MYO10: variants seen among roughly 807,000 people sequenced by gnomAD.
MYO10 encodes unconventional myosin-X.
MYO10 carries 133 observed loss-of-function variants against 257.3 expected under a neutral mutation model. The observed-to-expected ratio is 0.52, with a 90% confidence interval of 0.45 to 0.60. The LOEUF (loss-of-function observed/expected upper bound fraction) is 0.60, where lower values mean the gene tolerates loss of function less well. Among genes scored for constraint, MYO10 ranks in the 20% least tolerant of loss-of-function variants. The pLI, the probability that MYO10 is intolerant of heterozygous loss-of-function variation, is 0.00. For missense variants in MYO10, 2,399 were observed against 2,635.7 expected, an observed-to-expected ratio of 0.91 and a Z score of 1.97; for synonymous variants, 1,104 against 1,028.6, an observed-to-expected ratio of 1.07 and a Z score of -1.40.
chr5:16,906,599 G>C (rs557763891), intron 1 of MYO10, among the ~76,000 whole-genome samples: 12 of 152,270 alleles, frequency 7.9e-5, no homozygotes, highest in African/African-American at 2.6e-4. Context: ...GATGTCAGAA[G>C]CCAGCATGGC....
intron 9 of MYO10, 134 bp from the exon 10 acceptor site, chr5:16,769,337 CACTT>C (rs1403290791): frequency 9.7e-6 from 10 of 1,028,522 alleles, no homozygotes; most frequent in South Asian, 1.9e-5. Context: ...CATAACCACT[CACTT>C]GTTTTTTTGT....
At chr5:16,668,164 T>C in intron 40 of MYO10, 113 bp downstream of exon 40, 1 of 1,218,734 alleles carries the variant, frequency 8.2e-7, no homozygotes, top group Non-Finnish European at 1.1e-6. Context: ...TTTCGTGTTT[T>C]GAAGAAAAAT....
chr5:16,772,296 C>T (rs1483267281), intron 9 of MYO10, among the ~76,000 whole-genome samples: 4 of 152,106 alleles, frequency 2.6e-5, no homozygotes, highest in Non-Finnish European at 4.4e-5. Flanking sequence ...CCACACCTGG[C>T]TAATTTTGTA....
At position 16,668,398 on chromosome 5, in the gene MYO10, C is replaced by T. The variant is rs369799275; in HGVS notation, c.5954G>A (p.Arg1985His). 29 of 1,613,956 alleles carry T rather than the reference C, an allele frequency of 1.8e-5. No homozygotes were observed. In the South Asian group the frequency reaches 2.0e-4, roughly 11 times the overall value. The change falls in exon 40 of 41, where the codon CGT becomes CAT. Residue 1985 changes from arginine to histidine, a missense_variant. This residue lies in a region of MYO10 where 1,820 missense variants were observed against 1,939.4 expected (regional missense o/e 0.94). Coordinates refer to ENST00000513610, the MANE Select transcript of MYO10 (RefSeq NM_012334.3). Reference sequence around the variant, plus strand: ...GACTTCCAGTGGTCTTCCCTCTCCACGCTTGTAGACGGAGACGGCGTCCGC... The same window carrying T: ...GACTTCCAGTGGTCTTCCCTCTCCATGCTTGTAGACGGAGACGGCGTCCGC... ...VSADAVSVYK[R>H]GEGRPLEVFQ...
chr5:16,694,311 A>G (rs1253288307), intron 27 of MYO10, 60 bp downstream of exon 27: 4 of 1,605,956 alleles, frequency 2.5e-6, no homozygotes, highest in East Asian at 2.2e-5. Flanking sequence ...GCATGGCTCT[A>G]TGACCACCAG....
At chr5:16,705,043 T>C (rs555522039) in intron 21 of MYO10, among the ~76,000 whole-genome samples, 56 of 152,282 alleles carry the variant, frequency 3.7e-4, no homozygotes, top group African/African-American at 1.1e-3. Flanking sequence ...TGGACCAGCA[T>C]TGGTCACTAC....
At chr5:16,795,897 G>A (rs527580143) in intron 3 of MYO10, among the ~76,000 whole-genome samples, 1 of 152,016 alleles carries the variant, frequency 6.6e-6, no homozygotes, top group Admixed American at 6.6e-5. Context: ...TTTCGAAAAT[G>A]CTAGGTATCA....
intron 10 of MYO10, among the ~76,000 whole-genome samples, chr5:16,767,150 T>C (rs1375777227): frequency 6.7e-6 from 1 of 149,768 alleles, no homozygotes; most frequent in Non-Finnish European, 1.5e-5. Flanking sequence ...GCAGAAGAGA[T>C]ATGACAACCC....
rs1737712979 is a variant in MYO10, at chr5:16,695,676, A to C, written c.3557-1062T>G. 2.1e-5 allele frequency among the ~76,000 whole-genome samples: 3 copies of C among 144,730 alleles called. No individual in the cohort carries two copies. In the South Asian group the frequency reaches 6.5e-4, roughly 31 times the overall value. 94.9% of individuals were successfully genotyped at this position (144,730 alleles called of 152,430 possible). On this transcript the variant is annotated intron_variant, in intron 26 of 40. Transcript: ENST00000513610. Reference sequence around the variant, plus strand: ...AGATTCCCCAACCTGCTCAAGATCAACATCTGACACACATCTGTTATTATA... The same window carrying C: ...AGATTCCCCAACCTGCTCAAGATCACCATCTGACACACATCTGTTATTATA...
chr5:16,760,489 C>G (rs1373198627), intron 17 of MYO10, among the ~76,000 whole-genome samples: 1 of 149,884 alleles, frequency 6.7e-6, no homozygotes, highest in Non-Finnish European at 1.5e-5. Context: ...CAAAAAAAAA[C>G]CAAAAAGGAC....
chr5:16,862,302 C>G (rs1242793500), intron 2 of MYO10, among the ~76,000 whole-genome samples: 3 of 152,212 alleles, frequency 2.0e-5, no homozygotes, highest in African/African-American at 7.2e-5. Flanking sequence ...TGCAGACCAG[C>G]TGGATGATCA....
At chr5:16,724,362 T>C (rs1044481263) in intron 19 of MYO10, among the ~76,000 whole-genome samples, 2 of 152,114 alleles carry the variant, frequency 1.3e-5, no homozygotes, top group African/African-American at 2.4e-5. Flanking sequence ...TTTCTTACTG[T>C]TGGAGCGAGA....
chr5:16,909,068 T>C (rs1481529615), intron 1 of MYO10, among the ~76,000 whole-genome samples: 1 of 152,130 alleles, frequency 6.6e-6, no homozygotes, highest in Non-Finnish European at 1.5e-5. Flanking sequence ...ACTGGGTAAT[T>C]TATAAAGAAA....
chr5:16,880,090 G>C (rs1183636497), intron 1 of MYO10, among the ~76,000 whole-genome samples: 1 of 152,196 alleles, frequency 6.6e-6, no homozygotes, highest in Non-Finnish European at 1.5e-5. Context: ...TGAGGCAGGA[G>C]AATTGCTTGA....
At chr5:16,869,837 C>A (rs1172953569) in intron 2 of MYO10, among the ~76,000 whole-genome samples, 1 of 147,988 alleles carries the variant, frequency 6.8e-6, no homozygotes, top group Non-Finnish European at 1.5e-5. Flanking sequence ...TGCACTCCAG[C>A]TGGGGCAAAA....
Position 16,784,385 on chromosome 5 carries a change from A to G in MYO10, c.468-916T>C, listed in dbSNP as rs553945014. On this transcript the variant is annotated intron_variant, in intron 4 of 40. Transcript: ENST00000513610. ...TGTAGGAAACGCAGCTCTGGAGGAAAAGCTCTAGAAGGACCGAAGGGTCCC... is the reference window on the plus strand; with the variant it reads ...TGTAGGAAACGCAGCTCTGGAGGAAGAGCTCTAGAAGGACCGAAGGGTCCC... 2.3e-3 allele frequency among the ~76,000 whole-genome samples: 346 copies of G among 152,310 alleles called. 3 individuals are homozygous for G. The highest frequency in any genetic ancestry group is 8.2e-3 in the African/African-American group (341 of 41,582).
chr5:16,882,274 C>T (rs1206602947), intron 1 of MYO10, among the ~76,000 whole-genome samples: 1 of 152,122 alleles, frequency 6.6e-6, no homozygotes, highest in Admixed American at 6.6e-5. Flanking sequence ...ATAAAAGGGG[C>T]TGACTTTATC....
intron 19 of MYO10, among the ~76,000 whole-genome samples, chr5:16,725,178 C>T (rs1227031814): frequency 2.0e-5 from 3 of 150,490 alleles, no homozygotes; most frequent in Non-Finnish European, 4.4e-5. Context: ...CCTCAGCCTC[C>T]CGGGTTCAAG....
At chr5:16,869,645 A>G (rs1333229224) in intron 2 of MYO10, among the ~76,000 whole-genome samples, 3 of 151,752 alleles carry the variant, frequency 2.0e-5, no homozygotes, top group African/African-American at 2.4e-5. Context: ...CAGGTGGATC[A>G]CCTGAGGTCA....
Sources: gnomAD v4.1 joint callset for allele counts (sites outside exome capture counted in the v4.1 genomes callset) on GRCh38, gnomAD v4.1.1 for gene constraint, gnomAD v4.1.1 regional missense constraint, MANE v1.5 for transcripts, NCBI Gene and HGNC (gene_info 2026-07-23, HGNC 2026-07-21) for gene names.